The following PPFIBP2 variants were observed in gnomAD, a reference collection of about 807,000 sequenced individuals.
The protein encoded by PPFIBP2 is liprin-beta-2.
PPFIBP2 carries 118 observed loss-of-function variants against 118.3 expected under a neutral mutation model. That is an observed-to-expected ratio of 1.00 (90% CI 0.86 to 1.16). PPFIBP2 has a LOEUF of 1.16. Ranked by LOEUF, PPFIBP2 falls within the 50% of genes most tolerant of loss-of-function variation. The pLI, the probability that PPFIBP2 is intolerant of heterozygous loss-of-function variation, is 0.00. For missense variants in PPFIBP2, 1,195 were observed against 1,073.1 expected, an observed-to-expected ratio of 1.11 and a Z score of -1.59; for synonymous variants, 414 against 397.4, an observed-to-expected ratio of 1.04 and a Z score of -0.50.
chr11:7,604,241 T>C (rs1241044391), intron 5 of PPFIBP2, among the ~76,000 whole-genome samples: 1 of 152,008 alleles, frequency 6.6e-6, no homozygotes, highest in Non-Finnish European at 1.5e-5. Context: ...CAAGGAAGAT[T>C]GGGGTGGCTA....
downstream of PPFIBP2, among the ~76,000 whole-genome samples, chr11:7,655,900 C>G (rs990835216): frequency 6.6e-6 from 1 of 152,226 alleles, no homozygotes; most frequent in Non-Finnish European, 1.5e-5. Context: ...GAGACATATG[C>G]ATTTCCTATC....
intron 2 of PPFIBP2, among the ~76,000 whole-genome samples, chr11:7,557,517 A>G (rs1177964492): frequency 7.4e-6 from 1 of 135,068 alleles, no homozygotes. Context: ...TTTGAGACAG[A>G]GTCTTGCTCT....
chr11:7,566,272 CG>C (rs1171091805), intron 3 of PPFIBP2, among the ~76,000 whole-genome samples: 1 of 152,156 alleles, frequency 6.6e-6, no homozygotes, highest in East Asian at 1.9e-4. Context: ...TTAGTTTATT[CG>C]TATTCCTCTG....
intron 4 of PPFIBP2, among the ~76,000 whole-genome samples, chr11:7,594,935 AAAG>A (rs1860018217): frequency 2.0e-5 from 3 of 151,680 alleles, no homozygotes; most frequent in African/African-American, 7.3e-5. Flanking sequence ...AAAAAAAAAA[AAAG>A]AAAAAGGAGA....
chr11:7,663,240 C>G, the PPFIBP2 span, among the ~76,000 whole-genome samples: 1 of 137,382 alleles, frequency 7.3e-6, no homozygotes, highest in African/African-American at 2.5e-5. Flanking sequence ...TTTAGAGTTT[C>G]CAGTTTTTCT....
chr11:7,641,833 G>A, intron 16 of PPFIBP2: 1 of 581,300 alleles, frequency 1.7e-6, no homozygotes, highest in Non-Finnish European at 3.0e-6. Context: ...TGCCTTTCAT[G>A]TCATGCATCC....
downstream of PPFIBP2, among the ~76,000 whole-genome samples, chr11:7,654,184 C>A (rs560774424): frequency 1.3e-5 from 2 of 152,310 alleles, no homozygotes; most frequent in African/African-American, 2.4e-5. Flanking sequence ...AGGCTCATAA[C>A]CATGGTGGGG....
At chr11:7,561,150 C>T (rs1444882793) in intron 2 of PPFIBP2, among the ~76,000 whole-genome samples, 2 of 152,246 alleles carry the variant, frequency 1.3e-5, no homozygotes, top group Non-Finnish European at 2.9e-5. Flanking sequence ...TCACTGCAAC[C>T]TCTGCCTCCC....
At chr11:7,583,110 C>T (rs1857522570) in intron 3 of PPFIBP2, among the ~76,000 whole-genome samples, 1 of 152,204 alleles carries the variant, frequency 6.6e-6, no homozygotes, top group Non-Finnish European at 1.5e-5. Context: ...CTGGTCACTC[C>T]TGAAGCCAGT....
At chr11:7,625,937 G>T in intron 8 of PPFIBP2, 46 bp downstream of exon 8, 3 of 1,493,436 alleles carry the variant, frequency 2.0e-6, no homozygotes, top group Non-Finnish European at 2.8e-6. Flanking sequence ...GGGTCCCTGG[G>T]TCTACTCTTA....
At chr11:7,578,060 G>A (rs1482084533) in intron 3 of PPFIBP2, among the ~76,000 whole-genome samples, 1 of 152,208 alleles carries the variant, frequency 6.6e-6, no homozygotes, top group Non-Finnish European at 1.5e-5. Flanking sequence ...GTTATCCGGT[G>A]GAGCACACAT....
chr11:7,592,027 C>G (rs775638397), intron 3 of PPFIBP2, among the ~76,000 whole-genome samples: 17 of 152,216 alleles, frequency 1.1e-4, no homozygotes, highest in Non-Finnish European at 2.1e-4. Context: ...ACATCTGCCT[C>G]TTTGCACAAT....
chr11:7,664,123 G>A, the PPFIBP2 span, among the ~76,000 whole-genome samples: 4 of 152,310 alleles, frequency 2.6e-5, no homozygotes, highest in African/African-American at 7.2e-5. Flanking sequence ...CGCTCACGCT[G>A]GGAGCTGTAG....
intron 2 of PPFIBP2, among the ~76,000 whole-genome samples, chr11:7,562,111 G>A (rs1854363325): frequency 2.0e-5 from 3 of 152,190 alleles, no homozygotes; most frequent in South Asian, 2.1e-4. Flanking sequence ...AGAATCTAAC[G>A]CCACCAGTGA....
intron 4 of PPFIBP2, among the ~76,000 whole-genome samples, chr11:7,594,617 A>G (rs1486168280): frequency 1.3e-5 from 2 of 150,994 alleles, no homozygotes; most frequent in Non-Finnish European, 2.9e-5. Flanking sequence ...CCCTGTCTCT[A>G]CTGAAAATAC....
chr11:7,656,786 T>A (rs1590844657), downstream of PPFIBP2: 3 of 1,289,846 alleles, frequency 2.3e-6, no homozygotes, highest in Non-Finnish European at 3.0e-6. Context: ...CCAACTCTGA[T>A]GACTGGAGAT....
chr11:7,613,841 G>A (rs1297530545), intron 6 of PPFIBP2, among the ~76,000 whole-genome samples: 1 of 152,184 alleles, frequency 6.6e-6, no homozygotes, highest in Non-Finnish European at 1.5e-5. Context: ...GAAGGGAGCA[G>A]GGACCCCAGA....
At chr11:7,591,446 C>G (rs1859290308) in intron 3 of PPFIBP2, among the ~76,000 whole-genome samples, 1 of 78,910 alleles carries the variant, frequency 1.3e-5, no homozygotes, top group South Asian at 4.3e-4. Flanking sequence ...AGAAGTTGAC[C>G]TGCTATTAAG....
At chr11:7,661,718 C>T (rs1471904877), downstream of PPFIBP2, among the ~76,000 whole-genome samples, 5 of 85,398 alleles carry the variant, frequency 5.9e-5, 1 homozygote, top group African/African-American at 2.1e-4. Flanking sequence ...GACTTTGTCT[C>T]GTTTATCTGT....
Sources: allele counts gnomAD v4.1 joint callset (sites outside exome capture counted in the v4.1 genomes callset), GRCh38; gene constraint gnomAD v4.1.1; transcripts MANE v1.5; gene names NCBI Gene and HGNC (gene_info 2026-07-23, HGNC 2026-07-21).